OR1I1: variants seen among roughly 807,000 people sequenced by gnomAD.
The protein encoded by OR1I1 is olfactory receptor family 1 subfamily I member 1.
For synonymous variants in OR1I1, 171 were observed against 181.4 expected, an observed-to-expected ratio of 0.94 and a Z score of 0.46; for missense variants, 451 against 443.6, an observed-to-expected ratio of 1.02 and a Z score of -0.15.
Position 15,087,600 on chromosome 19 carries a change from TG to T in OR1I1, c.536del (p.Cys179LeufsTer7). The T allele has an allele frequency of 6.2e-7, 1 of 1,614,066 alleles. No individual in the cohort carries two copies. The highest frequency in any genetic ancestry group is 8.5e-7 in the Non-Finnish European group (1 of 1,180,044). On this transcript the variant is annotated frameshift_variant, in exon 2 of 2. Transcript: ENST00000641398. LOFTEE classifies it low-confidence loss of function (END_TRUNC). ...CAGSEISHFFCDLMPLLKLSG... is the reference protein window; with the variant it reads ...CAGSEISHFFXDLMPLLKLSG... ...CGGCTCTGAAATCTCCCACTTCTTC[TG>T]TGACCTCATGCCCCTGCTGAAGCTC...
At position 15,083,920 on chromosome 19, in the gene OR1I1, G is replaced by A. The variant is rs114901917; in HGVS notation, c.-14+1644G>A. Among the ~76,000 whole-genome samples the A allele has an allele frequency of 3.5e-3, 539 of 152,236 alleles. 1 individual carries two copies. The highest frequency in any genetic ancestry group is 0.013 in the African/African-American group (523 of 41,538). On this transcript the variant is annotated intron_variant, in intron 1 of 1. Coordinates refer to ENST00000641398, the MANE Select transcript of OR1I1 (RefSeq NM_001004713.2). ...CAAGAATCACTTGAACCCAGGAGAC[G>A]GATGTTGCAGTGAGCCGAGATCGTG...
In OR1I1 at chr19:15,091,455, C is replaced by G. The variant is rs1288116913; in HGVS notation, c.*3322C>G. On this transcript the variant is annotated 3_prime_UTR_variant, in exon 2 of 2. Coordinates refer to ENST00000641398, the MANE Select transcript of OR1I1 (RefSeq NM_001004713.2). The stretch of plus-strand genomic sequence containing the variant: ...TGGGCGGATCATGAGGTCAGGAGAT[C>G]AAGACCATCCTGGCTAACATGGTGA... The G allele has an allele frequency of 6.6e-6, 1 of 152,122 alleles. No individual in the cohort carries two copies. The highest frequency in any genetic ancestry group is 2.4e-5 in the African/African-American group (1 of 41,394). The allele number at this position is 152,122 out of a possible 1,614,324, so 9.4% of individuals were successfully genotyped here.
In OR1I1 at chr19:15,085,176, A is replaced by ATATATGTTT. The variant is rs1555717400; in HGVS notation, c.-13-1876_-13-1875insATATGTTTT. The stretch of plus-strand genomic sequence containing the variant: ...TATATATATATATATATATATATAT[A>ATATATGTTT]TTTTTTTTTTTGAGACAGAGTTTCG... On this transcript the variant is annotated intron_variant, in intron 1 of 1. Coordinates refer to ENST00000641398, the MANE Select transcript of OR1I1 (RefSeq NM_001004713.2). 7.5e-5 allele frequency among the ~76,000 whole-genome samples: 6 copies of ATATATGTTT among 80,126 alleles called. 1 individual carries two copies. The highest frequency in any genetic ancestry group is 5.1e-4 in the South Asian group (1 of 1,966). 52.6% of individuals were successfully genotyped at this position (80,126 alleles called of 152,430 possible).
chr19:15,086,042 C>T (rs934310055), intron 1 of OR1I1, among the ~76,000 whole-genome samples: 2 of 152,162 alleles, frequency 1.3e-5, no homozygotes, highest in African/African-American at 2.4e-5. Context: ...TGGCCAGGCG[C>T]GGTGCCTCAT....
rs1258105625 is a variant in OR1I1 at position 15,092,627 on chromosome 19, A to G, written c.*4494A>G. The G allele has an allele frequency of 6.6e-6, 1 of 152,174 alleles. No individual in the cohort carries two copies. The highest frequency in any genetic ancestry group is 1.5e-5 in the Non-Finnish European group (1 of 68,022). 9.4% of individuals were successfully genotyped at this position (152,174 alleles called of 1,614,324 possible). A position where few individuals can be genotyped will look rare whatever the true frequency, so the allele number is the denominator to read the frequency against. ...CTAAAACTTTGTTTATAAACACAGA[A>G]GCTTCCATTTCATATCATAGTACAT... is the stretch of plus-strand genomic sequence containing the variant. On this transcript the variant is annotated 3_prime_UTR_variant, in exon 2 of 2. Transcript: ENST00000641398.
intron 1 of OR1I1, among the ~76,000 whole-genome samples, chr19:15,083,406 G>A (rs1201375604): frequency 2.6e-5 from 4 of 152,112 alleles, no homozygotes; most frequent in Non-Finnish European, 5.9e-5. Context: ...CGCTTTTTGT[G>A]TTTTAACAAG....
rs368988215 is a variant in OR1I1 at position 15,085,579 on chromosome 19, T to C, written c.-13-1474T>C. Among the ~76,000 whole-genome samples, 52 of 152,244 alleles carry C rather than the reference T, an allele frequency of 3.4e-4. 1 individual carries two copies. The East Asian group carries it at 9.9e-3, about 29-fold the overall frequency. ...AAATTGACTCTGAGTTTCTCTGGTATACAATGCATTGTTATTAACTATAGT... is the reference window on the plus strand; with the variant it reads ...AAATTGACTCTGAGTTTCTCTGGTACACAATGCATTGTTATTAACTATAGT... On this transcript the variant is annotated intron_variant, in intron 1 of 1. Transcript: ENST00000641398.
Position 15,087,296 on chromosome 19 carries a change from C to A in OR1I1, c.231C>A (p.Thr77=). ...SLVDTLLSST[T]VPKMLANIQA... ...TTGACACCCTATTATCCTCCACCAC[C>A]GTCCCCAAGATGCTAGCGAACATCC... Residue 77 remains threonine, a synonymous_variant, in exon 2 of 2, where the codon ACC becomes ACA. Coordinates refer to ENST00000641398, the MANE Select transcript of OR1I1 (RefSeq NM_001004713.2). 1 of 1,614,182 alleles carries A rather than the reference C, an allele frequency of 6.2e-7. No homozygotes were observed. The highest frequency in any genetic ancestry group is 8.5e-7 in the Non-Finnish European group (1 of 1,180,022).
rs762338892 is a variant in OR1I1 at position 15,083,250 on chromosome 19, A to AT, written c.-14+980dup. ...GCCACCATGCCCAGCAGATTGTTTT[A>AT]TTTTTTGTAGATCCAGGGCGGGATT... is the stretch of plus-strand genomic sequence containing the variant. On this transcript the variant is annotated intron_variant, in intron 1 of 1. Coordinates refer to ENST00000641398, the MANE Select transcript of OR1I1 (RefSeq NM_001004713.2). Among the ~76,000 whole-genome samples the AT allele has an allele frequency of 6.9e-5, 10 of 144,314 alleles. No individual in the cohort carries two copies. In the East Asian group the frequency reaches 1.1e-3, roughly 16 times the overall value. The allele number at this position is 144,314 out of a possible 152,430, so 94.7% of individuals were successfully genotyped here.
In OR1I1 at chr19:15,089,255, A is replaced by G. The variant is rs966525198; in HGVS notation, c.*1122A>G. Reference sequence around the variant, plus strand: ...GGTCTTGAGACCTCCACTTGTAACTATGACTGTGGTTGGGGCTTACTTTCT... The same window carrying G: ...GGTCTTGAGACCTCCACTTGTAACTGTGACTGTGGTTGGGGCTTACTTTCT... On this transcript the variant is annotated 3_prime_UTR_variant, in exon 2 of 2. Transcript: ENST00000641398. 2.0e-5 allele frequency: 3 copies of G among 152,194 alleles called. No individual in the cohort carries two copies. Among genetic ancestry groups the G allele is most frequent in the Middle Eastern group, 3.4e-3 (1 of 294 alleles). 9.4% of individuals were successfully genotyped at this position (152,194 alleles called of 1,614,324 possible). A position where few individuals can be genotyped will look rare whatever the true frequency, so the allele number is the denominator to read the frequency against.
Position 15,088,895 on chromosome 19 carries a change from T to G in OR1I1, c.*762T>G, listed in dbSNP as rs2046244830. 1 of 147,762 alleles carries G rather than the reference T, an allele frequency of 6.8e-6. No homozygotes were observed. 9.2% of individuals were successfully genotyped at this position (147,762 alleles called of 1,614,324 possible). On this transcript the variant is annotated 3_prime_UTR_variant, in exon 2 of 2. Coordinates refer to ENST00000641398, the MANE Select transcript of OR1I1 (RefSeq NM_001004713.2). Reference sequence around the variant, plus strand: ...GTAGGTCAACCGATCGATAGATCTATCTATTGACAGACAGATAGATGATTG... The same window carrying G: ...GTAGGTCAACCGATCGATAGATCTAGCTATTGACAGACAGATAGATGATTG...
In OR1I1 at chr19:15,090,031, G is replaced by T; in HGVS notation, c.*1898G>T. The T allele has an allele frequency of 6.6e-6, 1 of 152,098 alleles. No homozygotes were observed. The highest frequency in any genetic ancestry group is 2.1e-4 in the South Asian group (1 of 4,850). The allele number at this position is 152,098 out of a possible 1,614,324, so 9.4% of individuals were successfully genotyped here. A position where few individuals can be genotyped will look rare whatever the true frequency, so the allele number is the denominator to read the frequency against. ...TTTGGACACAGGCACCCACACACAT[G>T]GAGACCGCCACATGAAGATGGAGGC... On this transcript the variant is annotated 3_prime_UTR_variant, in exon 2 of 2. Transcript: ENST00000641398.
chr19:15,087,281 A>G lies in OR1I1; in HGVS notation c.216A>G (p.Leu72=). 1 of 1,613,860 alleles carries G rather than the reference A, an allele frequency of 6.2e-7. No homozygotes were observed. Among genetic ancestry groups the G allele is most frequent in the South Asian group, 1.1e-5 (1 of 91,066 alleles). Residue 72 remains leucine, a synonymous_variant, in exon 2 of 2, where the codon CTA becomes CTG. Coordinates refer to ENST00000641398, the MANE Select transcript of OR1I1 (RefSeq NM_001004713.2). ...TCAACCTCTCACTCGTTGACACCCT[A>G]TTATCCTCCACCACCGTCCCCAAGA... ...FLFNLSLVDT[L]LSSTTVPKML...
rs1251065213 is a variant in OR1I1, at chr19:15,090,914, A to G, written c.*2781A>G. 2 of 152,226 alleles carry G rather than the reference A, an allele frequency of 1.3e-5. No homozygotes were observed. Among genetic ancestry groups the G allele is most frequent in the African/African-American group, 4.8e-5 (2 of 41,462 alleles). 9.4% of individuals were successfully genotyped at this position (152,226 alleles called of 1,614,324 possible). On this transcript the variant is annotated 3_prime_UTR_variant, in exon 2 of 2. Transcript: ENST00000641398. Reference sequence around the variant, plus strand: ...CTGATTTGTGGTACTTTGTTGCAACATTGCTAGAAAACAAATGCAGTTAGT... The same window carrying G: ...CTGATTTGTGGTACTTTGTTGCAACGTTGCTAGAAAACAAATGCAGTTAGT...
rs557977608 is a variant in OR1I1 at position 15,087,556 on chromosome 19, C to T, written c.491C>T (p.Ala164Val). ...TCTCTCATACACACCTGCCTCATGG[C>T]TCAACTGACCTTCTGCGCCGGCTCT... is the stretch of plus-strand genomic sequence containing the variant. ...LQSLIHTCLMAQLTFCAGSEI... is the reference protein window; with the variant it reads ...LQSLIHTCLMVQLTFCAGSEI... Residue 164 changes from alanine (A) to valine (V), a missense_variant, in exon 2 of 2, where the codon GCT becomes GTT. Transcript: ENST00000641398. The T allele has an allele frequency of 2.6e-5, 42 of 1,614,114 alleles. No individual in the cohort carries two copies. The South Asian group carries it at 4.3e-4, about 16-fold the overall frequency.
intron 1 of OR1I1, among the ~76,000 whole-genome samples, chr19:15,085,153 TATATATATATATATATATATA>T (rs1259297069): frequency 0.066 from 3,570 of 54,070 alleles, 519 homozygotes; most frequent in African/African-American, 0.2. Context: ...TATATATATA[TATATATATATATATATATATA>T]TATTTTTTTT....
chr19:15,086,851 A>G, intron 1 of OR1I1: 3 of 706,930 alleles, frequency 4.2e-6, no homozygotes, highest in Non-Finnish European at 6.6e-6. Context: ...TGAGACCCTG[A>G]CTGTCTCAGG....
rs1352563142 is a variant in OR1I1 at position 15,089,701 on chromosome 19, G to C, written c.*1568G>C. On this transcript the variant is annotated 3_prime_UTR_variant, in exon 2 of 2. Coordinates refer to ENST00000641398, the MANE Select transcript of OR1I1 (RefSeq NM_001004713.2). ...AAAAAGAAAAAATTACCTGGGTGTG[G>C]TGGTGTGCACCTGTCATCTTAGTTA... 6.6e-6 allele frequency: 1 copy of C among 152,048 alleles called. No individual in the cohort carries two copies. Among genetic ancestry groups the C allele is most frequent in the Non-Finnish European group, 1.5e-5 (1 of 68,022 alleles). 9.4% of individuals were successfully genotyped at this position (152,048 alleles called of 1,614,324 possible).
In OR1I1 at chr19:15,090,328, G is replaced by A. The variant is rs2145307142; in HGVS notation, c.*2195G>A. On this transcript the variant is annotated 3_prime_UTR_variant, in exon 2 of 2. Transcript: ENST00000641398. ...CAATTCTCCTGCCTCAGCCTCCCAA[G>A]TAGCTGGGATTACAGGCACCCACCA... 1 of 150,632 alleles carries A rather than the reference G, an allele frequency of 6.6e-6. No homozygotes were observed. Among genetic ancestry groups the A allele is most frequent in the Admixed American group, 6.7e-5 (1 of 14,900 alleles). The allele number at this position is 150,632 out of a possible 1,614,324, so 9.3% of individuals were successfully genotyped here.
Sources: gnomAD v4.1 joint callset for allele counts (sites outside exome capture counted in the v4.1 genomes callset) on GRCh38, gnomAD v4.1.1 for gene constraint, MANE v1.5 for transcripts, NCBI Gene and HGNC (gene_info 2026-07-23, HGNC 2026-07-21) for gene names.